The following COL22A1 variants were observed in gnomAD, a reference collection of about 807,000 sequenced individuals.
COL22A1 encodes collagen alpha-1(XXII) chain.
In COL22A1, 221 loss-of-function variants were observed where a neutral mutation model predicts 248.9. That is an observed-to-expected ratio of 0.89 (90% CI 0.80 to 0.99). The LOEUF (loss-of-function observed/expected upper bound fraction) is 0.99, where lower values mean the gene tolerates loss of function less well. Among genes scored for constraint, COL22A1 ranks in the 50% least tolerant of loss-of-function variants. The pLI, the probability that COL22A1 is intolerant of heterozygous loss-of-function variation, is 0.00. For synonymous variants in COL22A1, 891 were observed against 793.4 expected, an observed-to-expected ratio of 1.12 and a Z score of -2.07; for missense variants, 2,240 against 2,179.0, an observed-to-expected ratio of 1.03 and a Z score of -0.56.
intron 4 of COL22A1, among the ~76,000 whole-genome samples, chr8:138,838,600 C>T (rs1050731464): frequency 1.5e-5 from 2 of 134,290 alleles, no homozygotes; most frequent in Admixed American, 7.9e-5. Flanking sequence ...TTTCAGTGAA[C>T]AAAAACAAAG....
In COL22A1 at chr8:138,807,812, C is replaced by T. The variant is rs769102376; in HGVS notation, c.1450G>A (p.Gly484Ser). The change falls in exon 10 of 65, where the codon GGT becomes AGT. Residue 484 changes from glycine (G) to serine (S), a missense_variant and splice_region_variant. Gly to Ser is a moderately conservative substitution (Grantham distance 56). Transcript: ENST00000303045. ...INCSCPAGEK[G>S]EMGVAGPMGL... The stretch of plus-strand genomic sequence containing the variant: ...ATGGGGCCAGCAACTCCCATTTCAC[C>T]CTAAAAGAAGAAAGACAACAAAAAA... The T allele has an allele frequency of 1.4e-5, 23 of 1,613,718 alleles. No homozygotes were observed. Among genetic ancestry groups the T allele is most frequent in the Non-Finnish European group, 1.9e-5 (22 of 1,179,834 alleles).
intron 3 of COL22A1, among the ~76,000 whole-genome samples, chr8:138,863,057 A>C (rs1454891836): frequency 6.6e-6 from 1 of 152,228 alleles, no homozygotes; most frequent in African/African-American, 2.4e-5. Context: ...CAAGTGTTTA[A>C]CCAGGATATA....
chr8:138,824,613 G>C (rs186679500), intron 6 of COL22A1, among the ~76,000 whole-genome samples: 1 of 152,142 alleles, frequency 6.6e-6, no homozygotes, highest in Non-Finnish European at 1.5e-5. Flanking sequence ...AGCTTTTAAG[G>C]GTGGTTGTAA....
chr8:138,670,991 C>G (rs1252165546), intron 41 of COL22A1, among the ~76,000 whole-genome samples: 1 of 133,284 alleles, frequency 7.5e-6, no homozygotes, highest in Non-Finnish European at 1.6e-5. Context: ...AAAAAAGCCA[C>G]TGGTGAGTGT....
intron 8 of COL22A1, among the ~76,000 whole-genome samples, chr8:138,812,644 C>T (rs1463630784): frequency 6.6e-6 from 1 of 152,046 alleles, no homozygotes; most frequent in East Asian, 1.9e-4. Context: ...GACAGTCATC[C>T]CCTCATTAGA....
chr8:138,613,963 T>C (rs202002608), intron 55 of COL22A1, 43 bp from the exon 56 acceptor site: 1 of 1,491,784 alleles, frequency 6.7e-7, no homozygotes, highest in South Asian at 1.1e-5. Context: ...CAAGTCACTG[T>C]GTGAAGGTGA....
chr8:138,648,249 C>T (rs570760131), intron 46 of COL22A1, among the ~76,000 whole-genome samples: 2 of 152,064 alleles, frequency 1.3e-5, no homozygotes, highest in Non-Finnish European at 2.9e-5. Flanking sequence ...GGCACGCCCA[C>T]GAGTGTATGG....
chr8:138,841,193 A>C (rs1820855312), intron 4 of COL22A1, among the ~76,000 whole-genome samples: 1 of 152,128 alleles, frequency 6.6e-6, no homozygotes, highest in Admixed American at 6.5e-5. Flanking sequence ...ATATCCATCC[A>C]TTCATTTCAC....
At position 138,686,011 on chromosome 8, in the gene COL22A1, C is replaced by T. The variant is rs1379948431; in HGVS notation, c.2863-699G>A. ...CCTCTGGGAGCGGAGACCTCACTAC[C>T]ACTCCACACTGGGCATTCCTTTGTC... On this transcript the variant is annotated intron_variant, in intron 37 of 64. Coordinates refer to ENST00000303045, the MANE Select transcript of COL22A1 (RefSeq NM_152888.3). 2.0e-5 allele frequency among the ~76,000 whole-genome samples: 3 copies of T among 152,116 alleles called. No homozygotes were observed. In the East Asian group the frequency reaches 5.8e-4, roughly 29 times the overall value.
At chr8:138,883,299 G>A (rs942628182) in intron 1 of COL22A1, 55 bp from the exon 2 acceptor site, 181 of 955,756 alleles carry the variant, frequency 1.9e-4, no homozygotes, top group Non-Finnish European at 2.6e-4. Flanking sequence ...GTCTGTGAGA[G>A]GCAAACTCTG....
chr8:138,885,016 G>GCACACA (rs10587026), intron 1 of COL22A1, among the ~76,000 whole-genome samples: 2 of 150,890 alleles, frequency 1.3e-5, no homozygotes, highest in East Asian at 3.9e-4. Flanking sequence ...GTGTGTGCAC[G>GCACACA]CACACACACA....
chr8:138,761,276 G>A (rs1833466986), intron 17 of COL22A1, among the ~76,000 whole-genome samples: 1 of 152,148 alleles, frequency 6.6e-6, no homozygotes, highest in Non-Finnish European at 1.5e-5. Flanking sequence ...GCCAGGCCTG[G>A]CAACCAGGCA....
intron 1 of COL22A1, among the ~76,000 whole-genome samples, chr8:138,887,178 T>C (rs1264154997): frequency 6.6e-6 from 1 of 151,814 alleles, no homozygotes; most frequent in Non-Finnish European, 1.5e-5. Context: ...TGTCCCCACC[T>C]CTCCCCACCC....
chr8:138,711,860 G>A (rs1828999663), intron 30 of COL22A1, among the ~76,000 whole-genome samples: 1 of 152,206 alleles, frequency 6.6e-6, no homozygotes, highest in Admixed American at 6.5e-5. Flanking sequence ...CCCCAGGGCA[G>A]GCCTAGCGTG....
At chr8:138,882,752 T>C (rs1428717010) in intron 2 of COL22A1, among the ~76,000 whole-genome samples, 9 of 143,918 alleles carry the variant, frequency 6.3e-5, no homozygotes, top group Non-Finnish European at 3.0e-5. Context: ...TCACACACAT[T>C]CCCTCTCACT....
chr8:138,858,958 C>T (rs1822243849), intron 3 of COL22A1, among the ~76,000 whole-genome samples: 2 of 152,158 alleles, frequency 1.3e-5, no homozygotes, highest in South Asian at 4.2e-4. Context: ...GACGAAGCCC[C>T]AGGAGGCCAG....
intron 12 of COL22A1, among the ~76,000 whole-genome samples, chr8:138,782,277 G>A (rs904645596): frequency 3.9e-5 from 6 of 152,174 alleles, no homozygotes; most frequent in African/African-American, 1.4e-4. Context: ...GGAGTACAGT[G>A]ACATGAACAT....
chr8:138,713,873 C>T (rs1829229180), intron 30 of COL22A1, among the ~76,000 whole-genome samples: 1 of 152,166 alleles, frequency 6.6e-6, no homozygotes. Flanking sequence ...CTAGACCAGA[C>T]ACTATCCTGG....
At position 138,839,032 on chromosome 8, in the gene COL22A1, G is replaced by A. The variant is rs113294618; in HGVS notation, c.733+5052C>T. ...TTCCATGGGTCTGGGTAAGATGCAG[G>A]CAGCTTATGTTTATGGGGCTGCCTC... On this transcript the variant is annotated intron_variant, in intron 4 of 64. Coordinates refer to ENST00000303045, the MANE Select transcript of COL22A1 (RefSeq NM_152888.3). 3.4e-3 allele frequency among the ~76,000 whole-genome samples: 513 copies of A among 152,256 alleles called. 3 individuals carry two copies. The highest frequency in any genetic ancestry group is 0.012 in the African/African-American group (481 of 41,550).
Sources: allele counts gnomAD v4.1 joint callset (sites outside exome capture counted in the v4.1 genomes callset), GRCh38; gene constraint gnomAD v4.1.1; transcripts MANE v1.5; gene names NCBI Gene and HGNC (gene_info 2026-07-23, HGNC 2026-07-21).